The following NEBL variants were observed in gnomAD, a reference collection of about 807,000 sequenced individuals.
NEBL encodes LIM and SH3 protein 2.
In NEBL, 122 loss-of-function variants were observed where a neutral mutation model predicts 140.2. The observed-to-expected ratio is 0.87, with a 90% confidence interval of 0.75 to 1.01. NEBL has a LOEUF of 1.01. NEBL is among the 50% of genes least tolerant of loss of function. NEBL has a pLI of 0.00. For missense variants in NEBL, 1,365 were observed against 1,231.3 expected, an observed-to-expected ratio of 1.11 and a Z score of -1.62; for synonymous variants, 436 against 398.9, an observed-to-expected ratio of 1.09 and a Z score of -1.11.
intron 3 of NEBL, among the ~76,000 whole-genome samples, chr10:21,230,193 A>C (rs557549721): frequency 6.6e-6 from 1 of 152,318 alleles, no homozygotes; most frequent in African/African-American, 2.4e-5. Context: ...AGGGGGTCTA[A>C]AGAAATATAA....
intron 4 of NEBL, among the ~76,000 whole-genome samples, chr10:20,919,571 A>G (rs1469680875): frequency 6.6e-6 from 1 of 152,226 alleles, no homozygotes. Flanking sequence ...CCACAGGACA[A>G]ACGTCATCCA....
At chr10:21,174,081 G>T (rs1395204950) in exon 1 of NEBL, 2 of 1,048,480 alleles carry the variant, frequency 1.9e-6, no homozygotes, top group Non-Finnish European at 2.3e-6. Context: ...GCTCCGCGCC[G>T]CTGGCTCTGC....
chr10:21,019,003 G>C (rs1025512954), intron 3 of NEBL, among the ~76,000 whole-genome samples: 1 of 152,140 alleles, frequency 6.6e-6, no homozygotes, highest in East Asian at 1.9e-4. Context: ...CTCCAGCCTG[G>C]GCAACAGAGC....
chr10:21,143,326 G>A lies in NEBL; in HGVS notation c.164+29057C>T, dbSNP rs1839732196. ...TAGCTGGGCGTGGTGGTGGGTGTCT[G>A]TAATCCCAGCTACTTGGGAGGCTGA... is the stretch of plus-strand genomic sequence containing the variant. On this transcript the variant is annotated intron_variant, in intron 2 of 6. Transcript: ENST00000417816. Among the ~76,000 whole-genome samples the A allele has an allele frequency of 2.0e-5, 3 of 151,300 alleles. No homozygotes were observed. In the South Asian group the frequency reaches 6.3e-4, roughly 32 times the overall value.
exon 1 of NEBL, among the ~76,000 whole-genome samples, chr10:21,292,856 A>T (rs1450447582): frequency 1.3e-5 from 2 of 152,222 alleles, no homozygotes; most frequent in Non-Finnish European, 2.9e-5. Flanking sequence ...CCACCCACGC[A>T]GGGAAACCAG....
At chr10:21,254,642 C>T (rs1488195178) in intron 1 of NEBL, among the ~76,000 whole-genome samples, 1 of 152,178 alleles carries the variant, frequency 6.6e-6, no homozygotes, top group Non-Finnish European at 1.5e-5. Context: ...ACAGAACATG[C>T]ACGTGTTGTT....
intron 3 of NEBL, among the ~76,000 whole-genome samples, chr10:20,991,215 G>T (rs557503360): frequency 6.6e-6 from 1 of 151,926 alleles, no homozygotes; most frequent in South Asian, 2.1e-4. Flanking sequence ...ACTTAATGAA[G>T]AATGTATATA....
At chr10:21,104,432 G>A (rs139286511) in intron 2 of NEBL, among the ~76,000 whole-genome samples, 1 of 152,114 alleles carries the variant, frequency 6.6e-6, no homozygotes, top group African/African-American at 2.4e-5. Flanking sequence ...AGTTTCCAGT[G>A]TAGAAGTTTT....
chr10:21,272,583 T>C (rs1842873084), intron 1 of NEBL, among the ~76,000 whole-genome samples: 1 of 152,132 alleles, frequency 6.6e-6, no homozygotes, highest in Non-Finnish European at 1.5e-5. Flanking sequence ...AGCAAGACCA[T>C]GTCAAATAAA....
At chr10:20,897,610 A>G (rs1180508101), upstream of NEBL, 4 of 898,360 alleles carry the variant, frequency 4.5e-6, no homozygotes, top group African/African-American at 5.4e-5. Flanking sequence ...AAGATAGCAC[A>G]GTCCAAAGCC....
chr10:21,068,876 T>C (rs1200170147), intron 2 of NEBL, among the ~76,000 whole-genome samples: 1 of 152,166 alleles, frequency 6.6e-6, no homozygotes, highest in African/African-American at 2.4e-5. Flanking sequence ...CTTCATCATG[T>C]TTGTTGTTAT....
intron 3 of NEBL, among the ~76,000 whole-genome samples, chr10:21,181,156 G>A (rs1028813157): frequency 2.0e-5 from 3 of 151,772 alleles, no homozygotes; most frequent in East Asian, 1.9e-4. Context: ...TCAGCTACTC[G>A]GGAGGCTGAG....
At chr10:21,088,307 T>C (rs45561033) in intron 2 of NEBL, among the ~76,000 whole-genome samples, 2,176 of 152,202 alleles carry the variant, frequency 0.014, 20 homozygotes, top group Non-Finnish European at 0.023. Context: ...TGGTGATCAG[T>C]CTGGGCAACA....
intron 4 of NEBL, among the ~76,000 whole-genome samples, chr10:20,906,478 A>T (rs567581477): frequency 8.5e-4 from 130 of 152,306 alleles, no homozygotes; most frequent in African/African-American, 3.1e-3. Flanking sequence ...ATAAGATAAT[A>T]TCAAAATAAA....
Position 20,815,903 on chromosome 10 carries a change from G to A in NEBL, c.2149-186C>T, listed in dbSNP as rs12267369. ...CCCACCTCAGCCTCCCAGGTAGCTG[G>A]GATTACAGGCACCTGCCACCATGCC... On this transcript the variant is annotated intron_variant, in intron 21 of 27. Transcript: ENST00000377122. 5,016 of 585,608 alleles carry A rather than the reference G, an allele frequency of 8.6e-3. 147 individuals are homozygous for A. The highest frequency in any genetic ancestry group is 0.064 in the African/African-American group (3,426 of 53,504). The allele number at this position is 585,608 out of a possible 1,614,324, so 36.3% of individuals were successfully genotyped here.
chr10:21,003,540 AT>A (rs1425307357), intron 3 of NEBL, among the ~76,000 whole-genome samples: 2 of 152,140 alleles, frequency 1.3e-5, no homozygotes, highest in Non-Finnish European at 2.9e-5. Context: ...GAAACCATGA[AT>A]TTTCCTTCTG....
At chr10:21,201,350 C>T (rs903694149) in intron 3 of NEBL, among the ~76,000 whole-genome samples, 19 of 152,168 alleles carry the variant, frequency 1.2e-4, no homozygotes, top group African/African-American at 4.6e-4. Flanking sequence ...AGAGTGTGAT[C>T]TTTATGCTTT....
At chr10:21,153,226 G>T (rs1202638982) in intron 2 of NEBL, among the ~76,000 whole-genome samples, 5 of 152,230 alleles carry the variant, frequency 3.3e-5, no homozygotes, top group Non-Finnish European at 7.3e-5. Flanking sequence ...TTGGAGAGAT[G>T]AAGTGATTCC....
At chr10:21,265,391 C>G (rs1487838003) in intron 1 of NEBL, among the ~76,000 whole-genome samples, 1 of 152,186 alleles carries the variant, frequency 6.6e-6, no homozygotes. Context: ...CTTACTCTCA[C>G]GCTGCAAAAC....
Sources: allele counts gnomAD v4.1 joint callset (sites outside exome capture counted in the v4.1 genomes callset), GRCh38; gene constraint gnomAD v4.1.1; transcripts MANE v1.5; gene names NCBI Gene and HGNC (gene_info 2026-07-23, HGNC 2026-07-21).